The following STON1 variants were observed in gnomAD, a reference collection of about 807,000 sequenced individuals.
The protein encoded by STON1 is stonin-1.
Under a neutral mutation model 60.9 loss-of-function variants are expected in STON1, and 79 were observed. That is an observed-to-expected ratio of 1.30 (90% confidence interval 1.08 to 1.56). STON1 has a LOEUF of 1.56. STON1 is among the 40% of genes most tolerant of loss of function. The pLI is 0.00. For missense variants in STON1, 1,166 were observed against 858.9 expected, an observed-to-expected ratio of 1.36 and a Z score of -4.47; for synonymous variants, 363 against 306.9, an observed-to-expected ratio of 1.18 and a Z score of -1.91.
intron 1 of STON1, among the ~76,000 whole-genome samples, chr2:48,568,712 C>T (rs1673054021): frequency 6.6e-6 from 1 of 152,208 alleles, no homozygotes; most frequent in South Asian, 2.1e-4. Context: ...TTATGAAAGC[C>T]ATTCTCAGAA....
At chr2:48,570,007 A>G (rs1225056954) in intron 1 of STON1, among the ~76,000 whole-genome samples, 1 of 152,226 alleles carries the variant, frequency 6.6e-6, no homozygotes, top group Non-Finnish European at 1.5e-5. Flanking sequence ...TAAACGATTT[A>G]GAGTCAATTC....
At chr2:48,548,925 TG>T (rs1307105716) in intron 1 of STON1, among the ~76,000 whole-genome samples, 53 of 152,344 alleles carry the variant, frequency 3.5e-4, no homozygotes, top group African/African-American at 1.2e-3. Flanking sequence ...AATAGGAATG[TG>T]GGCGGCTTCT....
intron 1 of STON1, among the ~76,000 whole-genome samples, chr2:48,545,433 C>T (rs998643338): frequency 1.3e-5 from 2 of 152,202 alleles, no homozygotes; most frequent in African/African-American, 2.4e-5. Flanking sequence ...GCACAGACCC[C>T]GGCCAGACAT....
chr2:48,565,955 C>A (rs758279380), intron 1 of STON1, among the ~76,000 whole-genome samples: 1 of 152,084 alleles, frequency 6.6e-6, no homozygotes, highest in Non-Finnish European at 1.5e-5. Flanking sequence ...ATCCGAATAC[C>A]CACCCAACTC....
rs1558658007 is a variant in STON1, at chr2:48,596,530, T to C, written c.*1228T>C. The stretch of plus-strand genomic sequence containing the variant: ...AAAAACAAACTCCCCCATGTGGTAT[T>C]AATATACCTTCAATTTATGTTGAGT... On this transcript the variant is annotated 3_prime_UTR_variant, in exon 4 of 4. Coordinates refer to ENST00000404752, the MANE Select transcript of STON1 (RefSeq NM_006873.4). 2.0e-5 allele frequency: 3 copies of C among 152,242 alleles called. No individual in the cohort carries two copies. Among genetic ancestry groups the C allele is most frequent in the South Asian group, 4.1e-4 (2 of 4,834 alleles). 9.4% of individuals were successfully genotyped at this position (152,242 alleles called of 1,614,324 possible). A position where few individuals can be genotyped will look rare whatever the true frequency, so the allele number is the denominator to read the frequency against.
At chr2:48,584,738 C>T (rs556347365) in intron 2 of STON1, among the ~76,000 whole-genome samples, 136 of 152,282 alleles carry the variant, frequency 8.9e-4, no homozygotes, top group African/African-American at 3.0e-3. Context: ...GAGGGAAGAA[C>T]ACTGCTCTCC....
intron 1 of STON1, chr2:48,530,951 A>G (rs1305431951): frequency 6.6e-6 from 1 of 152,230 alleles, no homozygotes; most frequent in Non-Finnish European, 1.5e-5. Context: ...TTGGTTTGGC[A>G]TCTTTTTATT....
intron 1 of STON1, among the ~76,000 whole-genome samples, chr2:48,537,894 CT>C (rs1671495705): frequency 6.7e-6 from 1 of 149,120 alleles, no homozygotes; most frequent in African/African-American, 2.5e-5. Flanking sequence ...GGAAATTGTT[CT>C]TATATTGTTT....
At chr2:48,530,507 G>A (rs1364187401) in intron 1 of STON1, 2 of 157,248 alleles carry the variant, frequency 1.3e-5, no homozygotes, top group African/African-American at 4.8e-5. Context: ...AGCAAAAAAA[G>A]GAATATCGAC....
At position 48,591,655 on chromosome 2, in the gene STON1, C is replaced by G. The variant is rs372629912; in HGVS notation, c.1933C>G (p.Leu645Val). The change falls in exon 3 of 4, where the codon CTA (leucine) becomes GTA (valine). Residue 645 changes from leucine to valine, a missense_variant and splice_region_variant. Leu to Val is a conservative substitution (Grantham distance 32, BLOSUM62 1). Coordinates refer to ENST00000404752, the MANE Select transcript of STON1 (RefSeq NM_006873.4). ...TATTTGATTTTTTTTCCCTCGAGGTCTAGATCATCCCCATTGTCTGTCATA... is the reference window on the plus strand; with the variant it reads ...TATTTGATTTTTTTTCCCTCGAGGTGTAGATCATCCCCATTGTCTGTCATA... Reference protein sequence around the residue: ...IDRLPDKNSSLDHPHCLSYKL... With the variant: ...IDRLPDKNSSVDHPHCLSYKL... 20 of 1,613,404 alleles carry G rather than the reference C, an allele frequency of 1.2e-5. No individual in the cohort carries two copies. The highest frequency in any genetic ancestry group is 2.2e-5 in the South Asian group (2 of 90,950).
At chr2:48,583,683 G>T (rs1333850333) in intron 2 of STON1, among the ~76,000 whole-genome samples, 2 of 151,290 alleles carry the variant, frequency 1.3e-5, no homozygotes, top group Non-Finnish European at 2.9e-5. Context: ...TGGAGGTGGG[G>T]TTGGGGGACC....
intron 1 of STON1, among the ~76,000 whole-genome samples, chr2:48,558,605 A>C (rs1672481600): frequency 6.6e-6 from 1 of 152,344 alleles, no homozygotes; most frequent in East Asian, 1.9e-4. Flanking sequence ...TACTGGGGTG[A>C]ATAAAGCCAG....
At chr2:48,550,270 A>T (rs1672043506) in intron 1 of STON1, among the ~76,000 whole-genome samples, 1 of 151,764 alleles carries the variant, frequency 6.6e-6, no homozygotes, top group South Asian at 2.1e-4. Flanking sequence ...GGCTGAGGGG[A>T]GTGGATCACC....
chr2:48,564,717 C>G (rs528464707), intron 1 of STON1, among the ~76,000 whole-genome samples: 84 of 127,562 alleles, frequency 6.6e-4, no homozygotes, highest in Non-Finnish European at 1.2e-3. Context: ...CTTATTTCTT[C>G]TTTCTTTCTT....
intron 1 of STON1, among the ~76,000 whole-genome samples, chr2:48,560,852 T>G (rs1672581163): frequency 1.3e-5 from 2 of 152,128 alleles, no homozygotes; most frequent in Admixed American, 1.3e-4. Flanking sequence ...CAGCCTAGCC[T>G]CCTTGAAATT....
intron 1 of STON1, among the ~76,000 whole-genome samples, chr2:48,560,690 A>T (rs1672572386): frequency 6.6e-6 from 1 of 152,192 alleles, no homozygotes; most frequent in Non-Finnish European, 1.5e-5. Context: ...CAGTCCACCC[A>T]GGAAACAACA....
chr2:48,575,080 CT>C (rs1456009194), intron 1 of STON1, among the ~76,000 whole-genome samples: 2 of 152,202 alleles, frequency 1.3e-5, no homozygotes, highest in Admixed American at 6.5e-5. Flanking sequence ...AGTTAGACTA[CT>C]TTACATACTT....
chr2:48,583,184 G>T (rs1673999947), intron 2 of STON1, among the ~76,000 whole-genome samples: 1 of 152,170 alleles, frequency 6.6e-6, no homozygotes, highest in Admixed American at 6.5e-5. Context: ...CACTTCCCAG[G>T]CTCAAGTGAT....
Position 48,596,861 on chromosome 2 carries a change from C to G in STON1, c.*1559C>G, listed in dbSNP as rs553376771. ...TTGTTATTGCTGTTTTTATTTTTTACTTTTTTTGAGACAGAGTCTCACTCT... is the reference window on the plus strand; with the variant it reads ...TTGTTATTGCTGTTTTTATTTTTTAGTTTTTTTGAGACAGAGTCTCACTCT... On this transcript the variant is annotated 3_prime_UTR_variant, in exon 4 of 4. Coordinates refer to ENST00000404752, the MANE Select transcript of STON1 (RefSeq NM_006873.4). The G allele has an allele frequency of 6.6e-6, 1 of 151,984 alleles. No homozygotes were observed. Among genetic ancestry groups the G allele is most frequent in the South Asian group, 2.1e-4 (1 of 4,802 alleles). 9.4% of individuals were successfully genotyped at this position (151,984 alleles called of 1,614,324 possible). A position where few individuals can be genotyped will look rare whatever the true frequency, so the allele number is the denominator to read the frequency against.
Sources: allele counts gnomAD v4.1 joint callset (sites outside exome capture counted in the v4.1 genomes callset), GRCh38; gene constraint gnomAD v4.1.1; transcripts MANE v1.5; gene names NCBI Gene and HGNC (gene_info 2026-07-23, HGNC 2026-07-21).